The following OR7C1 variants were observed in gnomAD, a reference collection of about 807,000 sequenced individuals.
The protein encoded by OR7C1 is olfactory receptor family 7 subfamily C member 1.
For missense variants in OR7C1, 324 were observed against 383.3 expected (o/e 0.85, Z 1.29); for synonymous variants, 152 against 160.7 (o/e 0.95, Z 0.41).
At chr19:14,831,142 G>A (rs1479585926) in intron 1 of OR7C1, among the ~76,000 whole-genome samples, 4 of 151,984 alleles carry the variant, frequency 2.6e-5, no homozygotes, top group Admixed American at 6.6e-5. Flanking sequence ...ACATGATGCC[G>A]GCCCCAGATA....
intron 1 of OR7C1, among the ~76,000 whole-genome samples, chr19:14,829,671 A>C (rs1342212364): frequency 1.3e-5 from 2 of 152,222 alleles, no homozygotes; most frequent in Non-Finnish European, 2.9e-5. Context: ...ATGCTGTTGC[A>C]CCTGCACTTT....
chr19:14,820,102 G>A (rs191501850), intron 1 of OR7C1, among the ~76,000 whole-genome samples: 69 of 152,120 alleles, frequency 4.5e-4, no homozygotes, highest in African/African-American at 1.6e-3. Context: ...GTAGAGACAG[G>A]GTTTTACCAT....
intron 1 of OR7C1, among the ~76,000 whole-genome samples, chr19:14,832,310 A>G (rs1451758641): frequency 6.6e-6 from 1 of 152,106 alleles, no homozygotes; most frequent in Non-Finnish European, 1.5e-5. Flanking sequence ...TATTTTCACC[A>G]TTATAGCACA....
At chr19:14,818,802 C>A (rs1191871855) in intron 1 of OR7C1, among the ~76,000 whole-genome samples, 1 of 152,138 alleles carries the variant, frequency 6.6e-6, no homozygotes, top group African/African-American at 2.4e-5. Flanking sequence ...GTGTATCTCC[C>A]TTCTGTTGCA....
At chr19:14,803,171 G>A (rs1230850804) in intron 2 of OR7C1, among the ~76,000 whole-genome samples, 3 of 152,074 alleles carry the variant, frequency 2.0e-5, no homozygotes, top group East Asian at 3.9e-4. Context: ...GCTGGGTGTG[G>A]TGGTGCGCAT....
At chr19:14,810,234 A>G (rs778361022) in intron 1 of OR7C1, among the ~76,000 whole-genome samples, 4 of 151,648 alleles carry the variant, frequency 2.6e-5, no homozygotes, top group Non-Finnish European at 5.9e-5. Flanking sequence ...TCCTTCCCCC[A>G]ACACTGGAAA....
exon 5 of OR7C1, chr19:14,798,956 G>T: frequency 4.2e-6 from 2 of 472,054 alleles, no homozygotes; most frequent in Non-Finnish European, 6.9e-6. Context: ...GCTGTTCTTT[G>T]TTAGAAAAGA....
chr19:14,804,432 CAAG>C (rs943421405), intron 2 of OR7C1, among the ~76,000 whole-genome samples: 1 of 152,036 alleles, frequency 6.6e-6, no homozygotes, highest in Non-Finnish European at 1.5e-5. Flanking sequence ...CCATAAACCC[CAAG>C]GAGGAGAGAA....
chr19:14,830,189 T>C (rs987120720), intron 1 of OR7C1, among the ~76,000 whole-genome samples: 3 of 152,210 alleles, frequency 2.0e-5, no homozygotes, highest in Non-Finnish European at 4.4e-5. Flanking sequence ...TATCAGATTC[T>C]TTTTTCCCTA....
At chr19:14,831,619 AT>A (rs2145084967) in intron 1 of OR7C1, among the ~76,000 whole-genome samples, 1 of 151,832 alleles carries the variant, frequency 6.6e-6, no homozygotes, top group East Asian at 1.9e-4. Context: ...TAATTTTTGT[AT>A]TTTTAGTAGA....
At chr19:14,826,606 C>T (rs781101283) in intron 1 of OR7C1, 3 of 152,150 alleles carry the variant, frequency 2.0e-5, no homozygotes, top group Non-Finnish European at 4.4e-5. Context: ...GACAATTTTA[C>T]TCCATCATAT....
rs573684171 is a variant in OR7C1, at chr19:14,804,932, T to A, written c.-434-4168A>T. Among the ~76,000 whole-genome samples, 27 of 151,424 alleles carry A rather than the reference T, an allele frequency of 1.8e-4. 1 individual carries two copies. In the South Asian group the frequency reaches 2.9e-3, roughly 16 times the overall value. On this transcript the variant is annotated intron_variant, in intron 2 of 4. Transcript: ENST00000641666. ...TGTTGCCCAGGCTGGAGTGCAGTGGTGCAATCATGACTCACTGTAGCCTTG... is the reference window on the plus strand; with the variant it reads ...TGTTGCCCAGGCTGGAGTGCAGTGGAGCAATCATGACTCACTGTAGCCTTG...
intron 1 of OR7C1, among the ~76,000 whole-genome samples, chr19:14,820,555 T>C (rs962253819): frequency 4.0e-5 from 6 of 151,558 alleles, no homozygotes; most frequent in Middle Eastern, 6.8e-3. Context: ...TCCCAGACCT[T>C]AAAGAAAAAA....
intron 2 of OR7C1, among the ~76,000 whole-genome samples, chr19:14,802,824 A>G (rs903527402): frequency 2.6e-5 from 4 of 152,202 alleles, no homozygotes; most frequent in Non-Finnish European, 5.9e-5. Flanking sequence ...TAAATACCCA[A>G]GGTTCCTCAT....
At chr19:14,823,389 T>C (rs1226027096) in intron 1 of OR7C1, among the ~76,000 whole-genome samples, 1 of 151,994 alleles carries the variant, frequency 6.6e-6, no homozygotes, top group Non-Finnish European at 1.5e-5. Flanking sequence ...GAGGTGGAGG[T>C]TGTGGTGAGC....
At chr19:14,823,479 G>T (rs548721885) in intron 1 of OR7C1, among the ~76,000 whole-genome samples, 2 of 152,228 alleles carry the variant, frequency 1.3e-5, no homozygotes, top group African/African-American at 4.8e-5. Flanking sequence ...TAAAATTTGT[G>T]TAAATTTAAG....
At chr19:14,834,433 G>A (rs978782903) in intron 1 of OR7C1, among the ~76,000 whole-genome samples, 2 of 152,144 alleles carry the variant, frequency 1.3e-5, no homozygotes, top group African/African-American at 4.8e-5. Flanking sequence ...TTGTTTAGAA[G>A]CATCAAATCA....
In OR7C1 at chr19:14,800,163, G is replaced by T. The variant is rs1363719276; in HGVS notation, c.-13-14C>A. ...GGGATAAAATAACTGCCACAAGAGA[G>T]AAAAAAGCAACAGTCAATTATCAAC... On this transcript the variant is annotated splice_polypyrimidine_tract_variant and intron_variant, in intron 4 of 4. Transcript: ENST00000641666. 2 of 1,511,056 alleles carry T rather than the reference G, an allele frequency of 1.3e-6. No individual in the cohort carries two copies. Among genetic ancestry groups the T allele is most frequent in the Non-Finnish European group, 1.8e-6 (2 of 1,130,186 alleles). The allele number at this position is 1,511,056 out of a possible 1,614,324, so 93.6% of individuals were successfully genotyped here.
At chr19:14,822,518 G>A (rs12386124) in intron 1 of OR7C1, among the ~76,000 whole-genome samples, 2,188 of 151,392 alleles carry the variant, frequency 0.014, 54 homozygotes, top group African/African-American at 0.051. Context: ...CTGAGTAGCT[G>A]GCATTACAGG....
Sources: gnomAD v4.1 joint callset for allele counts (sites outside exome capture counted in the v4.1 genomes callset) on GRCh38, gnomAD v4.1.1 for gene constraint, MANE v1.5 for transcripts, NCBI Gene and HGNC (gene_info 2026-07-23, HGNC 2026-07-21) for gene names.